The following PSD3 variants were observed in gnomAD, a reference collection of about 807,000 sequenced individuals.
PSD3 encodes PH and SEC7 domain-containing protein 3.
In PSD3, 49 loss-of-function variants were observed where a neutral mutation model predicts 105.5. The observed-to-expected ratio is 0.46, with a 90% CI of 0.37 to 0.59. The LOEUF is 0.59. PSD3 is among the 20% of genes least tolerant of loss of function. The pLI, the probability that PSD3 is intolerant of heterozygous loss-of-function variation, is 0.00. For synonymous variants in PSD3, 557 were observed against 457.8 expected (o/e 1.22, Z -2.77); for missense variants, 1,561 against 1,263.8 (o/e 1.24, Z -3.57).
chr8:18,690,316 G>A (rs950439069), intron 9 of PSD3, among the ~76,000 whole-genome samples: 3 of 152,120 alleles, frequency 2.0e-5, no homozygotes, highest in African/African-American at 4.8e-5. Flanking sequence ...CTTTCCATGC[G>A]GTAACATGAC....
Position 18,902,809 on chromosome 8 carries a change from C to T in PSD3, c.131-30076G>A, listed in dbSNP as rs192898825. ...GCAATAACTGTGGGTGCCTCAGTGG[C>T]GTATGTTGTAGATGTTCGTGGCAGT... is the stretch of plus-strand genomic sequence containing the variant. On this transcript the variant is annotated intron_variant, in intron 2 of 15. Transcript: ENST00000327040. Among the ~76,000 whole-genome samples, 899 of 152,252 alleles carry T rather than the reference C, an allele frequency of 5.9e-3. 8 individuals carry two copies. The highest frequency in any genetic ancestry group is 0.021 in the African/African-American group (865 of 41,550).
chr8:18,536,952 C>G (rs186610480), intron 15 of PSD3, among the ~76,000 whole-genome samples: 14 of 152,332 alleles, frequency 9.2e-5, no homozygotes, highest in Non-Finnish European at 1.9e-4. Context: ...CAGATATAAA[C>G]TGTCCCAACA....
chr8:18,832,612 C>A (rs1813767488), intron 4 of PSD3, among the ~76,000 whole-genome samples: 1 of 152,114 alleles, frequency 6.6e-6, no homozygotes, highest in African/African-American at 2.4e-5. Context: ...ACATAATGGT[C>A]AACATATTAG....
At chr8:18,829,371 T>C (rs780705273) in intron 4 of PSD3, among the ~76,000 whole-genome samples, 3 of 152,244 alleles carry the variant, frequency 2.0e-5, no homozygotes, top group African/African-American at 4.8e-5. Flanking sequence ...GGTTATCTAG[T>C]AACCCAAGAA....
chr8:18,785,847 T>C (rs1004822180), intron 8 of PSD3, among the ~76,000 whole-genome samples: 4 of 152,136 alleles, frequency 2.6e-5, no homozygotes, highest in African/African-American at 4.8e-5. Context: ...GAGACAGAGA[T>C]GGGGGAATGG....
chr8:18,977,000 T>C (rs1391355137), intron 1 of PSD3, among the ~76,000 whole-genome samples: 3 of 152,138 alleles, frequency 2.0e-5, no homozygotes, highest in Non-Finnish European at 4.4e-5. Flanking sequence ...GTTTTTAAAG[T>C]CTAACGGTAT....
intron 2 of PSD3, among the ~76,000 whole-genome samples, chr8:18,896,774 T>C (rs1026164753): frequency 6.6e-5 from 10 of 152,046 alleles, no homozygotes; most frequent in Non-Finnish European, 2.9e-5. Flanking sequence ...CCCTTTTCTC[T>C]TAATCCCACT....
intron 10 of PSD3, among the ~76,000 whole-genome samples, chr8:18,642,447 A>T (rs1807717572): frequency 6.6e-6 from 1 of 152,184 alleles, no homozygotes. Flanking sequence ...AACTATATTT[A>T]TTATATATCA....
chr8:18,987,783 G>C (rs925175133), intron 1 of PSD3, among the ~76,000 whole-genome samples: 2 of 151,920 alleles, frequency 1.3e-5, no homozygotes, highest in Non-Finnish European at 2.9e-5. Context: ...ACTGCACTCC[G>C]GCCTAGGCAA....
intron 4 of PSD3, among the ~76,000 whole-genome samples, chr8:18,836,225 G>C (rs576224982): frequency 5.3e-5 from 8 of 152,252 alleles, no homozygotes; most frequent in Admixed American, 5.2e-4. Flanking sequence ...TGATGCAGCA[G>C]TTAGAATTTC....
chr8:18,827,020 A>C (rs1432201004), intron 4 of PSD3, among the ~76,000 whole-genome samples: 1 of 152,038 alleles, frequency 6.6e-6, no homozygotes, highest in Non-Finnish European at 1.5e-5. Flanking sequence ...TTTCGTACCA[A>C]TATTAATGTC....
At chr8:18,536,151 A>G (rs1799835439) in intron 15 of PSD3, among the ~76,000 whole-genome samples, 193 bp from the exon 16 acceptor site, 1 of 152,230 alleles carries the variant, frequency 6.6e-6, no homozygotes, top group Non-Finnish European at 1.5e-5. Context: ...TTATGTAGAT[A>G]AGAAATTAAG....
intron 11 of PSD3, among the ~76,000 whole-genome samples, chr8:18,610,022 C>T (rs1160369088): frequency 6.6e-6 from 1 of 152,190 alleles, no homozygotes; most frequent in Non-Finnish European, 1.5e-5. Flanking sequence ...TAAAACAGTA[C>T]TATTACTACT....
At chr8:18,669,889 T>C (rs772590149) in intron 9 of PSD3, among the ~76,000 whole-genome samples, 5 of 152,166 alleles carry the variant, frequency 3.3e-5, no homozygotes, top group Non-Finnish European at 5.9e-5. Context: ...TAAAAATAAA[T>C]CCCTTAAAAC....
intron 11 of PSD3, among the ~76,000 whole-genome samples, chr8:18,605,549 A>C (rs982391759): frequency 6.6e-6 from 1 of 152,102 alleles, no homozygotes; most frequent in African/African-American, 2.4e-5. Context: ...TTAATGGTGG[A>C]ATGAGTTAAG....
intron 1 of PSD3, among the ~76,000 whole-genome samples, chr8:19,044,099 G>A (rs1828231210): frequency 6.6e-6 from 1 of 152,210 alleles, no homozygotes; most frequent in Non-Finnish European, 1.5e-5. Context: ...ACAGTCAGAA[G>A]CAAGTAAGAT....
intron 4 of PSD3, among the ~76,000 whole-genome samples, chr8:18,839,940 C>T (rs1814475054): frequency 1.3e-5 from 2 of 152,154 alleles, no homozygotes; most frequent in Admixed American, 1.3e-4. Context: ...CAGAGACAGA[C>T]AGTGCCACCC....
intron 8 of PSD3, among the ~76,000 whole-genome samples, chr8:18,785,502 A>G (rs1433905076): frequency 6.6e-6 from 1 of 151,890 alleles, no homozygotes; most frequent in South Asian, 2.1e-4. Context: ...GTAAGGGAAT[A>G]CTGTGGCTGG....
At chr8:19,027,581 G>A (rs948394365) in intron 1 of PSD3, among the ~76,000 whole-genome samples, 3 of 152,086 alleles carry the variant, frequency 2.0e-5, no homozygotes, top group East Asian at 3.8e-4. Context: ...AAAGTTCCAC[G>A]CCCCTATGTC....
Sources: gnomAD v4.1 joint callset for allele counts (sites outside exome capture counted in the v4.1 genomes callset) on GRCh38, gnomAD v4.1.1 for gene constraint, MANE v1.5 for transcripts, NCBI Gene and HGNC (gene_info 2026-07-23, HGNC 2026-07-21) for gene names.